The following TBL1XR1 variants were observed in gnomAD, a reference collection of about 807,000 sequenced individuals.
TBL1XR1 encodes F-box-like/WD repeat-containing protein TBL1XR1.
Under a neutral mutation model 66.9 loss-of-function variants are expected in TBL1XR1, and 5 were observed. That is an observed-to-expected ratio of 0.07 (90% CI 0.04 to 0.16). The LOEUF (loss-of-function observed/expected upper bound fraction) is 0.16. Ranked by LOEUF, TBL1XR1 falls within the 10% of genes least tolerant of loss-of-function variation. The pLI, the probability that TBL1XR1 is intolerant of heterozygous loss-of-function variation, is 1.00. For synonymous variants in TBL1XR1, 210 were observed against 206.0 expected (o/e 1.02, Z -0.17); for missense variants, 238 against 623.2 (o/e 0.38, Z 6.58).
intron 15 of TBL1XR1, chr3:177,025,925 T>G (rs1313671679): frequency 3.6e-6 from 1 of 275,676 alleles, no homozygotes; most frequent in African/African-American, 2.3e-5. Context: ...GAAGCCATAT[T>G]TGCATTGTTG....
At chr3:177,123,895 A>G (rs1727292880) in intron 1 of TBL1XR1, among the ~76,000 whole-genome samples, 1 of 152,102 alleles carries the variant, frequency 6.6e-6, no homozygotes. Context: ...TTCCATTTAC[A>G]CTATCACGAT....
intron 1 of TBL1XR1, among the ~76,000 whole-genome samples, chr3:177,187,943 CTT>C (rs571361204): frequency 2.2e-3 from 168 of 77,788 alleles, no homozygotes; most frequent in African/African-American, 0.01. Context: ...GTACAATTTC[CTT>C]TTTTTTTTTT....
chr3:177,026,630 T>A (rs561397548), intron 14 of TBL1XR1, 156 bp from the exon 15 acceptor site: 1 of 563,494 alleles, frequency 1.8e-6, no homozygotes, highest in East Asian at 3.2e-5. Flanking sequence ...AGAAATGTAA[T>A]ATGATCCCTT....
At chr3:177,168,593 T>C (rs1038675035) in intron 1 of TBL1XR1, among the ~76,000 whole-genome samples, 12 of 152,172 alleles carry the variant, frequency 7.9e-5, no homozygotes, top group Non-Finnish European at 1.2e-4. Flanking sequence ...TGAACCGTTT[T>C]CTAAAGGCTC....
In TBL1XR1 at chr3:177,137,581, T is replaced by C. The variant is rs113971371; in HGVS notation, c.-121-39040A>G. On this transcript the variant is annotated intron_variant, in intron 1 of 15. Transcript: ENST00000457928. ...GCATGTCTGGGAACATTTACAGTCA[T>C]AAATTAGCCAATTACAGTTCAAGGC... is the stretch of plus-strand genomic sequence containing the variant. 2.3e-3 allele frequency among the ~76,000 whole-genome samples: 344 copies of C among 152,352 alleles called. 1 individual carries two copies. Among genetic ancestry groups the C allele is most frequent in the African/African-American group, 7.8e-3 (324 of 41,570 alleles).
intron 14 of TBL1XR1, chr3:177,027,603 G>A (rs1713327881): frequency 7.1e-6 from 1 of 141,420 alleles, no homozygotes; most frequent in Non-Finnish European, 1.5e-5. Flanking sequence ...CAAGCTAGAG[G>A]TGGCAGATCT....
intron 13 of TBL1XR1, among the ~76,000 whole-genome samples, chr3:177,033,455 A>C (rs1431882975): frequency 6.6e-6 from 1 of 152,214 alleles, no homozygotes; most frequent in Non-Finnish European, 1.5e-5. Flanking sequence ...CTCTCTGTCT[A>C]AATAATCCCT....
chr3:177,129,945 G>A (rs932965972), intron 1 of TBL1XR1, among the ~76,000 whole-genome samples: 1 of 152,056 alleles, frequency 6.6e-6, no homozygotes, highest in African/African-American at 2.4e-5. Flanking sequence ...AGGAGTTTAA[G>A]ACCAGCCTGG....
At position 177,189,649 on chromosome 3, in the gene TBL1XR1, C is replaced by CAAAAAAAAAAAAAAAAAAAAAAAAA. The variant is rs761647251; in HGVS notation, c.-122+7471_-122+7472insTTTTTTTTTTTTTTTTTTTTTTTTT. ...TGGGAGACAGAGCAAGACTCCATCT[C>CAAAAAAAAAAAAAAAAAAAAAAAAA]AAAAAAAAAAAAAAAAGAAGGATGT... On this transcript the variant is annotated intron_variant, in intron 1 of 15. Coordinates refer to ENST00000457928, the MANE Select transcript of TBL1XR1 (RefSeq NM_024665.7). Among the ~76,000 whole-genome samples, 50 of 45,170 alleles carry CAAAAAAAAAAAAAAAAAAAAAAAAA rather than the reference C, an allele frequency of 1.1e-3. 1 individual carries two copies. Among genetic ancestry groups the CAAAAAAAAAAAAAAAAAAAAAAAAA allele is most frequent in the African/African-American group, 4.0e-3 (46 of 11,572 alleles). The allele number at this position is 45,170 out of a possible 152,430, so 29.6% of individuals were successfully genotyped here. A position where few individuals can be genotyped will look rare whatever the true frequency, so the allele number is the denominator to read the frequency against.
intron 1 of TBL1XR1, among the ~76,000 whole-genome samples, chr3:177,154,479 T>C (rs1475889021): frequency 6.6e-6 from 1 of 152,056 alleles, no homozygotes; most frequent in Non-Finnish European, 1.5e-5. Context: ...TCACTGCAAC[T>C]TGTACCTCCC....
chr3:177,101,360 T>A (rs1166230875), intron 1 of TBL1XR1, among the ~76,000 whole-genome samples: 1 of 152,226 alleles, frequency 6.6e-6, no homozygotes, highest in Admixed American at 6.5e-5. Flanking sequence ...TAATAAAATC[T>A]ACAAATCTAT....
chr3:177,098,388 A>G, intron 2 of TBL1XR1, 78 bp downstream of exon 2: 1 of 854,160 alleles, frequency 1.2e-6, no homozygotes, highest in African/African-American at 1.8e-5. Flanking sequence ...TCAAATTGTG[A>G]GAAACTTTCA....
intron 3 of TBL1XR1, among the ~76,000 whole-genome samples, chr3:177,063,031 G>A (rs1275504659): frequency 1.3e-5 from 2 of 151,946 alleles, no homozygotes; most frequent in South Asian, 2.1e-4. Flanking sequence ...CTACTTGGGA[G>A]GCTGAGGCAG....
At chr3:177,114,729 G>T (rs1726092904) in intron 1 of TBL1XR1, among the ~76,000 whole-genome samples, 1 of 151,846 alleles carries the variant, frequency 6.6e-6, no homozygotes, top group Non-Finnish European at 1.5e-5. Context: ...TAATCCCAGT[G>T]GTTTGGGACG....
At chr3:177,160,329 C>T (rs1732032038) in intron 1 of TBL1XR1, among the ~76,000 whole-genome samples, 1 of 151,982 alleles carries the variant, frequency 6.6e-6, no homozygotes, top group Non-Finnish European at 1.5e-5. Context: ...AAAAAATTAG[C>T]TGGGCGTGGT....
chr3:177,118,668 T>C (rs528332126), intron 1 of TBL1XR1, among the ~76,000 whole-genome samples: 1 of 152,348 alleles, frequency 6.6e-6, no homozygotes, highest in Admixed American at 6.5e-5. Flanking sequence ...TTACTGAATG[T>C]GTACTATTTG....
chr3:177,106,662 G>A (rs886396827), intron 1 of TBL1XR1, among the ~76,000 whole-genome samples: 1 of 152,186 alleles, frequency 6.6e-6, no homozygotes, highest in Admixed American at 6.5e-5. Context: ...TCAGTGCCTA[G>A]CATAGTAATA....
intron 1 of TBL1XR1, among the ~76,000 whole-genome samples, chr3:177,133,300 ATAAATAAAT>A (rs1728519168): frequency 6.6e-6 from 1 of 152,136 alleles, no homozygotes; most frequent in Admixed American, 6.6e-5. Context: ...AAAATAAAAA[ATAAATAAAT>A]AAAATAAATA....
At chr3:177,028,647 G>T (rs187188635) in intron 14 of TBL1XR1, among the ~76,000 whole-genome samples, 51 of 152,272 alleles carry the variant, frequency 3.3e-4, no homozygotes, top group Admixed American at 2.8e-3. Flanking sequence ...GTATTTATGG[G>T]TGATAAAACT....
Sources: gnomAD v4.1 joint callset for allele counts (sites outside exome capture counted in the v4.1 genomes callset) on GRCh38, gnomAD v4.1.1 for gene constraint, MANE v1.5 for transcripts, NCBI Gene and HGNC (gene_info 2026-07-23, HGNC 2026-07-21) for gene names.